The following CDKN3 variants were observed in gnomAD, a reference collection of about 807,000 sequenced individuals.
CDKN3 encodes the protein cyclin-dependent kinase inhibitor 3.
In CDKN3, 19 loss-of-function variants were observed where a neutral mutation model predicts 36.1. The ratio of observed to expected loss-of-function variants is 0.53; its 90% confidence interval spans 0.37 to 0.77. The LOEUF is 0.77. CDKN3 is among the 30% of genes least tolerant of loss of function. CDKN3 has a pLI of 0.00. For synonymous variants in CDKN3, 71 were observed against 85.3 expected (o/e 0.83, Z 0.92); for missense variants, 188 against 248.6 (o/e 0.76, Z 1.64).
intron 3 of CDKN3, among the ~76,000 whole-genome samples, chr14:54,404,400 C>T (rs2030073247): frequency 6.6e-6 from 1 of 151,888 alleles, no homozygotes; most frequent in African/African-American, 2.4e-5. Flanking sequence ...GGTGATATCC[C>T]CTTTATCATT....
chr14:54,418,173 C>G (rs754511130), intron 7 of CDKN3: 6 of 703,612 alleles, frequency 8.5e-6, no homozygotes, highest in South Asian at 7.4e-5. Flanking sequence ...GGATTTCAAA[C>G]AAGATAATGA....
At chr14:54,409,225 A>G (rs2139978290) in intron 4 of CDKN3, among the ~76,000 whole-genome samples, 1 of 152,234 alleles carries the variant, frequency 6.6e-6, no homozygotes, top group Admixed American at 6.5e-5. Flanking sequence ...CAGCATCTAG[A>G]TGGAAAAGAC....
rs1399176168 is a variant in CDKN3 at position 54,397,089 on chromosome 14, G to T, written c.9+12G>T. 1 of 1,502,988 alleles carries T rather than the reference G, an allele frequency of 6.7e-7. No individual in the cohort carries two copies. The allele number at this position is 1,502,988 out of a possible 1,614,324, so 93.1% of individuals were successfully genotyped here. On this transcript the variant is annotated intron_variant, in intron 1 of 7. Coordinates refer to ENST00000335183, the MANE Select transcript of CDKN3 (RefSeq NM_005192.4). ...CAGCGATGAAGCCGGTGAGTCGGAC[G>T]TGCTGGGGTTTGGAGGAGCGAGGCG...
intron 5 of CDKN3, among the ~76,000 whole-genome samples, chr14:54,413,188 CAT>C (rs1173561668): frequency 2.0e-5 from 3 of 152,182 alleles, no homozygotes; most frequent in Non-Finnish European, 4.4e-5. Flanking sequence ...ATGGAAAAAG[CAT>C]AGTCACTTAA....
At chr14:54,412,383 GA>G (rs776748096) in intron 5 of CDKN3, among the ~76,000 whole-genome samples, 7 of 67,536 alleles carry the variant, frequency 1.0e-4, no homozygotes, top group African/African-American at 2.6e-4. Context: ...ACCCCATCTA[GA>G]AAAAAAAAAA....
intron 2 of CDKN3, among the ~76,000 whole-genome samples, chr14:54,400,538 T>C (rs1371828217): frequency 6.6e-6 from 1 of 152,216 alleles, no homozygotes; most frequent in African/African-American, 2.4e-5. Flanking sequence ...CTTTTAATCT[T>C]GGCAAGTGAC....
chr14:54,418,018 T>A, intron 7 of CDKN3, 67 bp downstream of exon 7: 1 of 874,852 alleles, frequency 1.1e-6, no homozygotes, highest in Non-Finnish European at 1.9e-6. Context: ...GATTCATGTG[T>A]AACCAAAAGG....
chr14:54,411,284 A>G (rs2030344480), intron 4 of CDKN3, 200 bp from the exon 5 acceptor site: 2 of 513,666 alleles, frequency 3.9e-6, no homozygotes, highest in Non-Finnish European at 6.8e-6. Flanking sequence ...ATTCAGTAAA[A>G]GGCATTTTGA....
rs540932609 is a variant in CDKN3 at position 54,405,064 on chromosome 14, T to C, written c.148+3485T>C. ...CTGGTACATTGTGTCTCTGTTCTCA[T>C]TGGTTTCAAATAACTTCTTTTTTTC... On this transcript the variant is annotated intron_variant, in intron 3 of 7. Transcript: ENST00000335183. Among the ~76,000 whole-genome samples the C allele has an allele frequency of 3.6e-4, 55 of 152,330 alleles. 1 individual carries two copies. The South Asian group carries it at 9.7e-3, about 27-fold the overall frequency.
At chr14:54,405,510 G>A (rs1434935165) in intron 3 of CDKN3, among the ~76,000 whole-genome samples, 1 of 152,184 alleles carries the variant, frequency 6.6e-6, no homozygotes, top group African/African-American at 2.4e-5. Flanking sequence ...CTTGCTTTAT[G>A]AACCTGGGTG....
At chr14:54,404,148 T>C (rs2030062378) in intron 3 of CDKN3, among the ~76,000 whole-genome samples, 1 of 152,206 alleles carries the variant, frequency 6.6e-6, no homozygotes, top group South Asian at 2.1e-4. Context: ...AGAATTCAGC[T>C]GTGAATCCAT....
intron 7 of CDKN3, chr14:54,418,233 T>C: frequency 1.4e-6 from 1 of 702,362 alleles, no homozygotes; most frequent in South Asian, 1.5e-5. Context: ...ACTTCTCAGT[T>C]TTTGCCCCAG....
Position 54,419,973 on chromosome 14 carries a change from G to T in CDKN3, c.553-19G>T. 1 of 1,465,110 alleles carries T rather than the reference G, an allele frequency of 6.8e-7. No homozygotes were observed. The allele number at this position is 1,465,110 out of a possible 1,614,324, so 90.8% of individuals were successfully genotyped here. ...CTAGTTTTCTACAGTGTATTCCAATGTATCTTTACTTTTTTCAGCAATACA... is the reference window on the plus strand; with the variant it reads ...CTAGTTTTCTACAGTGTATTCCAATTTATCTTTACTTTTTTCAGCAATACA... On this transcript the variant is annotated intron_variant, in intron 7 of 7. Transcript: ENST00000335183.
At chr14:54,418,928 C>A (rs1323938617) in intron 7 of CDKN3, among the ~76,000 whole-genome samples, 1 of 152,058 alleles carries the variant, frequency 6.6e-6, no homozygotes, top group Non-Finnish European at 1.5e-5. Context: ...GGAGGCTGAG[C>A]TGGGTGGATC....
chr14:54,419,722 AAG>A (rs1371364577), intron 7 of CDKN3, among the ~76,000 whole-genome samples: 2 of 152,200 alleles, frequency 1.3e-5, no homozygotes, highest in African/African-American at 2.4e-5. Flanking sequence ...CCTGTAAGTA[AAG>A]AGAGAAAGAA....
chr14:54,416,224 A>C (rs967022745), intron 6 of CDKN3, among the ~76,000 whole-genome samples: 1 of 152,134 alleles, frequency 6.6e-6, no homozygotes, highest in African/African-American at 2.4e-5. Context: ...GTTATAATAG[A>C]GTAACTTCCA....
intron 3 of CDKN3, among the ~76,000 whole-genome samples, chr14:54,405,781 G>C (rs1200011480): frequency 5.3e-5 from 8 of 152,252 alleles, no homozygotes; most frequent in South Asian, 2.1e-4. Flanking sequence ...AATGGGTCTT[G>C]ACTCTATCCA....
intron 5 of CDKN3, chr14:54,414,206 C>T (rs2030454430): frequency 1.3e-5 from 2 of 153,472 alleles, no homozygotes; most frequent in African/African-American, 4.8e-5. Flanking sequence ...GTCCCACTCA[C>T]AGGTACAGGA....
At chr14:54,419,785 T>G (rs2030667265) in intron 7 of CDKN3, among the ~76,000 whole-genome samples, 1 of 152,238 alleles carries the variant, frequency 6.6e-6, no homozygotes, top group Non-Finnish European at 1.5e-5. Flanking sequence ...TTCTGATTTT[T>G]AGAGACTTGT....
Sources: allele counts gnomAD v4.1 joint callset (sites outside exome capture counted in the v4.1 genomes callset), GRCh38; gene constraint gnomAD v4.1.1; transcripts MANE v1.5; gene names NCBI Gene and HGNC (gene_info 2026-07-23, HGNC 2026-07-21).